The following ARHGAP17 variants were observed in gnomAD, a reference collection of about 807,000 sequenced individuals.
ARHGAP17 encodes Rho GTPase activating protein 17, also known as rho GTPase-activating protein 17.
ARHGAP17 carries 57 observed loss-of-function variants against 99.5 expected under a neutral mutation model. The ratio of observed to expected loss-of-function variants is 0.57; its 90% CI spans 0.46 to 0.71. The LOEUF is 0.71. ARHGAP17 is among the 30% of genes least tolerant of loss of function. ARHGAP17 has a pLI of 0.00. For missense variants in ARHGAP17, 1,000 were observed against 1,122.4 expected, an observed-to-expected ratio of 0.89 and a Z score of 1.56; for synonymous variants, 417 against 429.6, an observed-to-expected ratio of 0.97 and a Z score of 0.36.
chr16:24,943,992 G>T (rs1387070117), intron 14 of ARHGAP17, 130 bp from the exon 15 acceptor site: 8 of 862,038 alleles, frequency 9.3e-6, no homozygotes, highest in African/African-American at 1.7e-5. Context: ...AAAATCACTG[G>T]CCGGGTGTGG....
At chr16:24,962,872 T>G (rs1398496788) in intron 7 of ARHGAP17, among the ~76,000 whole-genome samples, 1 of 152,198 alleles carries the variant, frequency 6.6e-6, no homozygotes, top group Non-Finnish European at 1.5e-5. Context: ...AAACTCAGTG[T>G]TATTTGAGTA....
At chr16:24,968,918 C>T (rs1310724752) in intron 4 of ARHGAP17, 146 bp from the exon 5 acceptor site, 9 of 683,274 alleles carry the variant, frequency 1.3e-5, no homozygotes, top group Admixed American at 5.3e-5. Context: ...ATGTAGGGTA[C>T]TGCCTAAAAC....
At chr16:24,996,564 T>C (rs756543956) in intron 1 of ARHGAP17, among the ~76,000 whole-genome samples, 6 of 152,122 alleles carry the variant, frequency 3.9e-5, no homozygotes, top group Non-Finnish European at 7.3e-5. Context: ...CTAAAGCATG[T>C]TCAGAAGGTG....
intron 4 of ARHGAP17, 117 bp downstream of exon 4, chr16:24,970,390 G>T (rs2052326447): frequency 1.0e-6 from 1 of 970,308 alleles, no homozygotes; most frequent in Non-Finnish European, 1.6e-6. Flanking sequence ...TCTCCTAGCG[G>T]ATGAGCCATG....
In ARHGAP17 at chr16:24,953,020, C is replaced by G. The variant is rs2051690821; in HGVS notation, c.875G>C (p.Gly292Ala). 1 of 1,614,048 alleles carries G rather than the reference C, an allele frequency of 6.2e-7. No homozygotes were observed. The highest frequency in any genetic ancestry group is 8.5e-7 in the Non-Finnish European group (1 of 1,180,032). The change falls in exon 11 of 20, where the codon GGG (glycine) becomes GCG (alanine). Residue 292 changes from glycine to alanine, a missense_variant. Gly to Ala is a moderately conservative substitution (Grantham distance 60). Coordinates refer to ENST00000289968, the MANE Select transcript of ARHGAP17 (RefSeq NM_001006634.3). ...KEEGLFRIGA[G>A]ASKLKKLKAA... ...TTTCAGCTTCTTTAACTTGGAGGCC[C>G]CAGCCCCAATTCGGAAAAGGCCCTA...
chr16:24,972,434 G>A (rs1213532399), intron 3 of ARHGAP17, among the ~76,000 whole-genome samples: 1 of 152,088 alleles, frequency 6.6e-6, no homozygotes, highest in East Asian at 1.9e-4. Context: ...GCCCAGGCTG[G>A]TCTCAAACTC....
chr16:25,013,501 G>A lies in ARHGAP17; in HGVS notation c.53+1708C>T, dbSNP rs1433798302. ...GCGGATGTGGTGGTGCCCACCTGTA[G>A]TTCCAACCACATAGGTGGCTGAGGC... On this transcript the variant is annotated intron_variant, in intron 1 of 19. Coordinates refer to ENST00000289968, the MANE Select transcript of ARHGAP17 (RefSeq NM_001006634.3). 3.3e-5 allele frequency among the ~76,000 whole-genome samples: 5 copies of A among 152,088 alleles called. No homozygotes were observed. The East Asian group carries it at 9.6e-4, about 29-fold the overall frequency.
chr16:24,982,192 T>C (rs1465500306), intron 1 of ARHGAP17, among the ~76,000 whole-genome samples: 5 of 151,934 alleles, frequency 3.3e-5, no homozygotes, highest in Admixed American at 2.0e-4. Flanking sequence ...TCACTTGAGG[T>C]CAGAAGTTCA....
intron 7 of ARHGAP17, among the ~76,000 whole-genome samples, chr16:24,963,141 G>C (rs9933863): frequency 0.032 from 4,912 of 152,198 alleles, 276 homozygotes; most frequent in African/African-American, 0.11. Context: ...AAGACTGCTG[G>C]GTAAATGACA....
At position 24,935,819 on chromosome 16, in the gene ARHGAP17, A is replaced by G. The variant is rs539939980; in HGVS notation, c.1725-180T>C. ...GCTAATGTTTACTTGGTGCCATATA[A>G]AGAGCTAATGTTTACTTGGTGCCAT... On this transcript the variant is annotated intron_variant, in intron 17 of 19. Transcript: ENST00000289968. 19 of 696,832 alleles carry G rather than the reference A, an allele frequency of 2.7e-5. No individual in the cohort carries two copies. The South Asian group carries it at 3.5e-4, about 13-fold the overall frequency. The allele number at this position is 696,832 out of a possible 1,614,324, so 43.2% of individuals were successfully genotyped here.
At chr16:24,924,403 C>T (rs1597351521) in intron 19 of ARHGAP17, among the ~76,000 whole-genome samples, 1 of 148,624 alleles carries the variant, frequency 6.7e-6, no homozygotes, top group Non-Finnish European at 1.5e-5. Flanking sequence ...AGCAAAAAAT[C>T]AGACAAAAAA....
At chr16:24,938,773 G>GAAAAAAAA (rs111587139) in intron 17 of ARHGAP17, among the ~76,000 whole-genome samples, 8 of 81,046 alleles carry the variant, frequency 9.9e-5, no homozygotes, top group Non-Finnish European at 1.4e-4. Flanking sequence ...CGCAGTCTCA[G>GAAAAAAAA]AAAAAAAAAA....
intron 1 of ARHGAP17, among the ~76,000 whole-genome samples, chr16:25,002,452 G>A (rs558441879): frequency 5.3e-5 from 8 of 152,038 alleles, no homozygotes; most frequent in African/African-American, 9.7e-5. Flanking sequence ...TGACTCCATC[G>A]GCTGCCAGCT....
chr16:25,003,839 T>C (rs1231730399), intron 1 of ARHGAP17, among the ~76,000 whole-genome samples: 8 of 151,860 alleles, frequency 5.3e-5, no homozygotes, highest in Admixed American at 3.3e-4. Flanking sequence ...AAAAAAAGCT[T>C]TGAAGAACCA....
At chr16:24,986,505 G>A (rs1373714278) in intron 1 of ARHGAP17, among the ~76,000 whole-genome samples, 1 of 152,170 alleles carries the variant, frequency 6.6e-6, no homozygotes, top group African/African-American at 2.4e-5. Context: ...ATAATATTTG[G>A]TAACACATGA....
intron 13 of ARHGAP17, chr16:24,948,934 A>T (rs960880201): frequency 6.6e-6 from 1 of 152,088 alleles, no homozygotes; most frequent in Non-Finnish European, 1.5e-5. Flanking sequence ...CCCATGGTAA[A>T]TTTTCTTAAA....
At position 24,984,534 on chromosome 16, in the gene ARHGAP17, T is replaced by A. The variant is rs996654123; in HGVS notation, c.54-5529A>T. On this transcript the variant is annotated intron_variant, in intron 1 of 19. Coordinates refer to ENST00000289968, the MANE Select transcript of ARHGAP17 (RefSeq NM_001006634.3). ...TTAGCCAGGCAGTGGCAGGCACCTGTAGTCCCAGCTACTCGGGAGGCTGAG... is the reference window on the plus strand; with the variant it reads ...TTAGCCAGGCAGTGGCAGGCACCTGAAGTCCCAGCTACTCGGGAGGCTGAG... 1.1e-4 allele frequency among the ~76,000 whole-genome samples: 16 copies of A among 152,168 alleles called. 1 individual carries two copies. Among genetic ancestry groups the A allele is most frequent in the Middle Eastern group, 6.8e-3 (2 of 294 alleles).
At chr16:24,949,797 G>A (rs1043353660) in intron 12 of ARHGAP17, among the ~76,000 whole-genome samples, 6 of 152,184 alleles carry the variant, frequency 3.9e-5, no homozygotes, top group African/African-American at 1.4e-4. Flanking sequence ...TGAAAATTCT[G>A]TCTAGAAAAA....
At chr16:24,989,594 TG>T (rs1034554524) in intron 1 of ARHGAP17, among the ~76,000 whole-genome samples, 1 of 145,340 alleles carries the variant, frequency 6.9e-6, no homozygotes, top group Admixed American at 7.0e-5. Context: ...GCTTTGGGGG[TG>T]GGGGGAATGG....
Sources: allele counts gnomAD v4.1 joint callset (sites outside exome capture counted in the v4.1 genomes callset), GRCh38; gene constraint gnomAD v4.1.1; transcripts MANE v1.5; gene names NCBI Gene and HGNC (gene_info 2026-07-23, HGNC 2026-07-21).